PTGFRN: variants seen among roughly 807,000 people sequenced by gnomAD.
PTGFRN encodes the protein prostaglandin F2 receptor inhibitor, also known as prostaglandin F2 receptor negative regulator.
In PTGFRN, 35 loss-of-function variants were observed where a neutral mutation model predicts 83.2. The observed-to-expected ratio is 0.42, with a 90% CI of 0.32 to 0.56. The LOEUF (loss-of-function observed/expected upper bound fraction) is 0.56, where lower values mean the gene tolerates loss of function less well. Ranked by LOEUF, PTGFRN falls within the 20% of genes least tolerant of loss-of-function variation. PTGFRN has a pLI of 0.11. For missense variants in PTGFRN, 1,051 were observed against 1,179.5 expected (o/e 0.89, Z 1.60); for synonymous variants, 519 against 498.6 (o/e 1.04, Z -0.55).
intron 1 of PTGFRN, among the ~76,000 whole-genome samples, chr1:116,920,844 G>A (rs538688510): frequency 1.2e-4 from 18 of 152,190 alleles, no homozygotes; most frequent in Middle Eastern, 3.4e-3. Flanking sequence ...GGCTGGTCTC[G>A]AACTCCTGGC....
intron 1 of PTGFRN, among the ~76,000 whole-genome samples, chr1:116,940,939 G>A (rs1308725258): frequency 6.6e-6 from 1 of 152,192 alleles, no homozygotes; most frequent in Non-Finnish European, 1.5e-5. Context: ...GTCCCTACCA[G>A]AGAGGGCTGG....
chr1:116,965,612 C>T (rs1650802925), intron 5 of PTGFRN, among the ~76,000 whole-genome samples: 1 of 143,734 alleles, frequency 7.0e-6, no homozygotes, highest in African/African-American at 2.4e-5. Context: ...GTTGCCTCCT[C>T]AGTGAGGATG....
chr1:116,964,860 C>A (rs2101078760), intron 5 of PTGFRN, among the ~76,000 whole-genome samples: 1 of 152,392 alleles, frequency 6.6e-6, no homozygotes, highest in Non-Finnish European at 1.5e-5. Flanking sequence ...ACTTTTCACA[C>A]TCTGCCATTT....
chr1:116,971,268 A>G (rs555638624), intron 6 of PTGFRN, among the ~76,000 whole-genome samples: 36 of 151,890 alleles, frequency 2.4e-4, no homozygotes, highest in African/African-American at 7.5e-4. Context: ...ATGACTTTAC[A>G]TACTTGAATT....
At chr1:116,946,883 A>G (rs767432942) in intron 3 of PTGFRN, among the ~76,000 whole-genome samples, 4 of 152,206 alleles carry the variant, frequency 2.6e-5, no homozygotes, top group Non-Finnish European at 4.4e-5. Flanking sequence ...AGGCTTAACA[A>G]CTGTACTTTC....
chr1:116,944,023 T>C (rs192191482), intron 2 of PTGFRN, among the ~76,000 whole-genome samples: 1 of 152,290 alleles, frequency 6.6e-6, no homozygotes, highest in Non-Finnish European at 1.5e-5. Flanking sequence ...GTCCCCTTTT[T>C]CTAGACTCTG....
intron 1 of PTGFRN, among the ~76,000 whole-genome samples, chr1:116,912,085 C>T (rs1353954512): frequency 6.6e-6 from 1 of 152,000 alleles, no homozygotes. Context: ...AAAACAATGC[C>T]CTTGAGTAAT....
At chr1:116,970,781 T>C (rs1381635035) in intron 6 of PTGFRN, among the ~76,000 whole-genome samples, 1 of 152,176 alleles carries the variant, frequency 6.6e-6, no homozygotes, top group Admixed American at 6.5e-5. Flanking sequence ...GAACAGCCTT[T>C]GCTTCCTAAA....
At chr1:116,929,036 G>A (rs1368181902) in intron 1 of PTGFRN, among the ~76,000 whole-genome samples, 1 of 152,008 alleles carries the variant, frequency 6.6e-6, no homozygotes, top group East Asian at 1.9e-4. Context: ...TGTCTGATAG[G>A]GACCTCACAT....
chr1:116,928,522 C>G (rs1649712076), intron 1 of PTGFRN, among the ~76,000 whole-genome samples: 2 of 152,178 alleles, frequency 1.3e-5, no homozygotes, highest in Non-Finnish European at 2.9e-5. Context: ...TATTACATTT[C>G]AGTAATTCAC....
At chr1:116,970,033 C>T (rs1289475859) in intron 6 of PTGFRN, among the ~76,000 whole-genome samples, 1 of 152,098 alleles carries the variant, frequency 6.6e-6, no homozygotes, top group Non-Finnish European at 1.5e-5. Context: ...AAGATTATGT[C>T]ATCTGTGAAT....
chr1:116,927,525 C>CTTTTTTTTTTTTTTTTTTT (rs1171564821), intron 1 of PTGFRN, among the ~76,000 whole-genome samples: 3 of 124,418 alleles, frequency 2.4e-5, no homozygotes, highest in African/African-American at 1.2e-4. Context: ...CCTTGCTTAC[C>CTTTTTTTTTTTTTTTTTTT]TTTTTTTTTT....
chr1:116,937,230 A>T (rs1218694743), intron 1 of PTGFRN, among the ~76,000 whole-genome samples: 2 of 152,252 alleles, frequency 1.3e-5, no homozygotes, highest in Non-Finnish European at 2.9e-5. Context: ...CAGGAAGTCC[A>T]AGAAACAAAA....
intron 7 of PTGFRN, among the ~76,000 whole-genome samples, chr1:116,982,531 G>A (rs1651348837): frequency 6.6e-6 from 1 of 152,028 alleles, no homozygotes. Flanking sequence ...CCCTTCTGAG[G>A]CAGTATCTTA....
At chr1:116,986,687 T>C in intron 8 of PTGFRN, 114 bp from the exon 9 acceptor site, 1 of 1,026,326 alleles carries the variant, frequency 9.7e-7, no homozygotes, top group Non-Finnish European at 1.4e-6. Flanking sequence ...GCAGGAGGAA[T>C]GAGACCTTAT....
rs1026830984 is a variant in PTGFRN, at chr1:116,941,438, G to A, written c.50-277G>A. Among the ~76,000 whole-genome samples the A allele has an allele frequency of 2.6e-5, 4 of 152,190 alleles. No homozygotes were observed. The highest frequency in any genetic ancestry group is 1.3e-4 in the Admixed American group (2 of 15,286). On this transcript the variant is annotated intron_variant, in intron 1 of 8. Transcript: ENST00000393203. This position sits in a 1 kb window ranked among gnomAD's most constrained non-coding sequence, Gnocchi z 5.0. ...GTTAAATAGTAACTGGAGGGAAGAA[G>A]CTATTGAGGTTTACAGTTAGCCTGC...
intron 7 of PTGFRN, among the ~76,000 whole-genome samples, chr1:116,979,271 A>G (rs1435751721): frequency 1.3e-5 from 2 of 152,222 alleles, no homozygotes; most frequent in Non-Finnish European, 2.9e-5. Context: ...GGAAGAATCA[A>G]TATCATGAAA....
chr1:116,929,879 C>T (rs1649750570), intron 1 of PTGFRN, among the ~76,000 whole-genome samples: 1 of 152,170 alleles, frequency 6.6e-6, no homozygotes. Context: ...ATGGTTGTGC[C>T]TTCTCTTCCC....
chr1:116,952,139 A>T lies in PTGFRN; in HGVS notation c.1213+2567A>T, dbSNP rs1275866714. Among the ~76,000 whole-genome samples the T allele has an allele frequency of 6.6e-6, 1 of 152,230 alleles. No individual in the cohort carries two copies. Among genetic ancestry groups the T allele is most frequent in the African/African-American group, 2.4e-5 (1 of 41,460 alleles). On this transcript the variant is annotated intron_variant, in intron 4 of 8. Transcript: ENST00000393203. The surrounding 1 kb of genome is among the most constrained non-coding windows in gnomAD (Gnocchi z 4.0). ...TCTACTGTGTGCCAGGCACTGGACT[A>T]AGGACCTTATATGCATTAAATGTTC...
Sources: allele counts gnomAD v4.1 joint callset (sites outside exome capture counted in the v4.1 genomes callset), GRCh38; gene constraint gnomAD v4.1.1; non-coding constraint Gnocchi (gnomAD v3.1); transcripts MANE v1.5; gene names NCBI Gene and HGNC (gene_info 2026-07-23, HGNC 2026-07-21).